Variants in FAM163B observed in about 807,000 individuals in gnomAD.
FAM163B encodes protein FAM163B.
A neutral mutation model predicts 7.6 loss-of-function variants in FAM163B; 4 were observed. The ratio of observed to expected loss-of-function variants is 0.52; its 90% CI spans 0.26 to 1.20. The LOEUF (loss-of-function observed/expected upper bound fraction) is 1.20, where lower values mean the gene tolerates loss of function less well. FAM163B is among the 50% of genes most tolerant of loss of function. FAM163B has a pLI of 0.14. For missense variants in FAM163B, 250 were observed against 243.0 expected (o/e 1.03, Z -0.19); for synonymous variants, 120 against 111.6 (o/e 1.07, Z -0.47).
chr9:133,578,545 G>T lies in FAM163B; in HGVS notation c.*477C>A. The T allele has an allele frequency of 6.2e-6, 1 of 160,024 alleles. No individual in the cohort carries two copies. The highest frequency in any genetic ancestry group is 1.4e-5 in the Non-Finnish European group (1 of 73,742). 9.9% of individuals were successfully genotyped at this position (160,024 alleles called of 1,614,324 possible). A position where few individuals can be genotyped will look rare whatever the true frequency, so the allele number is the denominator to read the frequency against. On this transcript the variant is annotated 3_prime_UTR_variant, in exon 3 of 3. Coordinates refer to ENST00000673969, the MANE Select transcript of FAM163B (RefSeq NM_001080515.3). ...TGGAGAGAAAGAGGCTGGAGTTCAA[G>T]GTGGAGGAGCAGAATCCTTGGTCTG...
At position 133,577,991 on chromosome 9, in the gene FAM163B, G is replaced by A. The variant is rs1019798764; in HGVS notation, c.*1031C>T. ...TAGGTCCTGCTGAGAAGCAGGTAGG[G>A]GAGGTGACCTGCAACTCTGTCTCCC... On this transcript the variant is annotated 3_prime_UTR_variant, in exon 3 of 3. Coordinates refer to ENST00000673969, the MANE Select transcript of FAM163B (RefSeq NM_001080515.3). 4.1e-4 allele frequency among the ~76,000 whole-genome samples: 62 copies of A among 152,290 alleles called. No individual in the cohort carries two copies. Among genetic ancestry groups the A allele is most frequent in the African/African-American group, 1.4e-3 (58 of 41,560 alleles).
At chr9:133,602,757 C>G (rs1831745635) in intron 1 of FAM163B, among the ~76,000 whole-genome samples, 1 of 152,218 alleles carries the variant, frequency 6.6e-6, no homozygotes, top group Middle Eastern at 3.2e-3. Context: ...TTTAACCAAA[C>G]AAACTCTAAA....
intron 1 of FAM163B, among the ~76,000 whole-genome samples, chr9:133,585,768 G>A (rs967419485): frequency 6.6e-6 from 1 of 152,212 alleles, no homozygotes; most frequent in Non-Finnish European, 1.5e-5. Flanking sequence ...GGTGAGGCGG[G>A]CGCCCTCCAC....
In FAM163B at chr9:133,600,030, ATG is replaced by A. The variant is rs1195428050; in HGVS notation, c.-24+9045_-24+9046del. ...GGCCTGTGTGCATTTGTGTGCATGT[ATG>A]TGTGGTCTGTGTGGATGTGTGTGAG... On this transcript the variant is annotated intron_variant, in intron 1 of 2. Coordinates refer to ENST00000673969, the MANE Select transcript of FAM163B (RefSeq NM_001080515.3). This position sits in a 1 kb window ranked among gnomAD's most constrained non-coding sequence, Gnocchi z 4.9. Among the ~76,000 whole-genome samples, 2 of 119,958 alleles carry A rather than the reference ATG, an allele frequency of 1.7e-5. No homozygotes were observed. The highest frequency in any genetic ancestry group is 3.4e-5 in the Non-Finnish European group (2 of 58,672). The allele number at this position is 119,958 out of a possible 152,430, so 78.7% of individuals were successfully genotyped here. A position where few individuals can be genotyped will look rare whatever the true frequency, so the allele number is the denominator to read the frequency against.
Position 133,601,791 on chromosome 9 carries a change from T to C in FAM163B, c.-24+7286A>G, listed in dbSNP as rs1831733044. Among the ~76,000 whole-genome samples, 1 of 152,174 alleles carries C rather than the reference T, an allele frequency of 6.6e-6. No homozygotes were observed. Among genetic ancestry groups the C allele is most frequent in the African/African-American group, 2.4e-5 (1 of 41,446 alleles). On this transcript the variant is annotated intron_variant, in intron 1 of 2. Coordinates refer to ENST00000673969, the MANE Select transcript of FAM163B (RefSeq NM_001080515.3). The surrounding 1 kb of genome is among the most constrained non-coding windows in gnomAD (Gnocchi z 4.1). ...AAAACCACCAGCCATCTGACCACCA[T>C]GGCGTCAGGGCGCGTCTCAGAAGGC... is the stretch of plus-strand genomic sequence containing the variant.
Position 133,579,026 on chromosome 9 carries a change from A to ACGT in FAM163B, c.494_496dup (p.Asp165dup). The ACGT allele has an allele frequency of 6.5e-7, 1 of 1,527,598 alleles. No individual in the cohort carries two copies. The highest frequency in any genetic ancestry group is 8.8e-7 in the Non-Finnish European group (1 of 1,137,814). 94.6% of individuals were successfully genotyped at this position (1,527,598 alleles called of 1,614,324 possible). ...GATCCCGGGGGCGGGCCCAGGTCAC[A>ACGT]CGTCGGTGCTGATGCTGCGGCTCCT... is the stretch of plus-strand genomic sequence containing the variant. On this transcript the variant is annotated inframe_insertion, in exon 3 of 3. Transcript: ENST00000673969.
intron 1 of FAM163B, among the ~76,000 whole-genome samples, chr9:133,587,724 C>T (rs951258447): frequency 3.9e-5 from 6 of 152,026 alleles, no homozygotes; most frequent in East Asian, 3.9e-4. Context: ...CTTGCGTCCC[C>T]GACGGGTGTG....
intron 1 of FAM163B, 62 bp from the exon 2 acceptor site, chr9:133,580,308 T>C: frequency 7.8e-7 from 1 of 1,282,808 alleles, no homozygotes; most frequent in Non-Finnish European, 1.1e-6. Context: ...TCACTCGTGC[T>C]ATTCTAGAGA....
chr9:133,595,612 G>A (rs1315280270), intron 1 of FAM163B, among the ~76,000 whole-genome samples: 1 of 152,084 alleles, frequency 6.6e-6, no homozygotes, highest in Non-Finnish European at 1.5e-5. Context: ...ACCTCTAAGT[G>A]TGAAGGGGCC....
chr9:133,580,548 T>C (rs1831341352), intron 1 of FAM163B, among the ~76,000 whole-genome samples: 1 of 152,234 alleles, frequency 6.6e-6, no homozygotes, highest in African/African-American at 2.4e-5. Context: ...TAGTGTAGCA[T>C]GCTGTCAATG....
At position 133,600,259 on chromosome 9, in the gene FAM163B, CTGTGTGTGTGTG is replaced by C. The variant is rs3074996; in HGVS notation, c.-24+8806_-24+8817del. ...CTGTGTGCATGTGTGTGAGTGTGGT[CTGTGTGTGTGTG>C]TGTGTGTGTGTGTGTGTGTGTGTGT... On this transcript the variant is annotated intron_variant, in intron 1 of 2. Transcript: ENST00000673969. The surrounding 1 kb of genome is among the most constrained non-coding windows in gnomAD (Gnocchi z 4.9). 1.1e-3 allele frequency among the ~76,000 whole-genome samples: 159 copies of C among 146,530 alleles called. No homozygotes were observed. Among genetic ancestry groups the C allele is most frequent in the Non-Finnish European group, 1.6e-3 (107 of 66,222 alleles).
chr9:133,590,065 C>CCCTTCCTTTCCCTT (rs1491173513), intron 1 of FAM163B, among the ~76,000 whole-genome samples: 6 of 16,856 alleles, frequency 3.6e-4, no homozygotes, highest in African/African-American at 1.5e-3. Flanking sequence ...CCCTTCCCTT[C>CCCTTCCTTTCCCTT]CCCTTCCCTT....
intron 1 of FAM163B, among the ~76,000 whole-genome samples, chr9:133,580,746 G>GTAAC (rs1831344284): frequency 6.6e-6 from 1 of 152,150 alleles, no homozygotes; most frequent in Non-Finnish European, 1.5e-5. Flanking sequence ...ATTGTTTCAT[G>GTAAC]TAACTGACTC....
chr9:133,580,323 A>G (rs967046734), intron 1 of FAM163B, 77 bp from the exon 2 acceptor site: 3 of 1,182,320 alleles, frequency 2.5e-6, no homozygotes, highest in Admixed American at 2.0e-5. Context: ...TAGAGAACTG[A>G]GAAGACAAGC....
chr9:133,591,945 G>C (rs1195995012), intron 1 of FAM163B, among the ~76,000 whole-genome samples: 1 of 152,194 alleles, frequency 6.6e-6, no homozygotes, highest in African/African-American at 2.4e-5. Flanking sequence ...CTTTCCAGGT[G>C]ACTGGCTCCT....
intron 1 of FAM163B, among the ~76,000 whole-genome samples, chr9:133,603,728 T>C (rs2131263817): frequency 1.3e-5 from 2 of 152,332 alleles, no homozygotes; most frequent in African/African-American, 4.8e-5. Flanking sequence ...CAGGAAGCCT[T>C]CCCTGCCTGC....
intron 1 of FAM163B, among the ~76,000 whole-genome samples, chr9:133,587,917 G>C (rs1354623349): frequency 1.3e-5 from 2 of 151,734 alleles, no homozygotes; most frequent in African/African-American, 4.8e-5. Flanking sequence ...GGAGCAGATA[G>C]GGAAGGGACA....
rs193202356 is a variant in FAM163B, at chr9:133,595,307, G to A, written c.-24+13770C>T. ...ACTACAGGTGCATGCCAGCACACCC[G>A]GCTAATTTTTGTGGTTTTAGTAGAG... On this transcript the variant is annotated intron_variant, in intron 1 of 2. Coordinates refer to ENST00000673969, the MANE Select transcript of FAM163B (RefSeq NM_001080515.3). Among the ~76,000 whole-genome samples, 1,180 of 152,248 alleles carry A rather than the reference G, an allele frequency of 7.8e-3. 19 individuals carry two copies. The highest frequency in any genetic ancestry group is 0.026 in the African/African-American group (1,080 of 41,536).
chr9:133,592,584 C>G (rs1213574675), intron 1 of FAM163B, among the ~76,000 whole-genome samples: 2 of 152,290 alleles, frequency 1.3e-5, no homozygotes, highest in East Asian at 3.9e-4. Context: ...TTGCCCTCTC[C>G]GGCCAAGGGC....
Sources: allele counts gnomAD v4.1 joint callset (sites outside exome capture counted in the v4.1 genomes callset), GRCh38; gene constraint gnomAD v4.1.1; non-coding constraint Gnocchi (gnomAD v3.1); transcripts MANE v1.5; gene names NCBI Gene and HGNC (gene_info 2026-07-23, HGNC 2026-07-21).